The following MTUS2 variants were observed in gnomAD, a reference collection of about 807,000 sequenced individuals.
MTUS2 encodes microtubule associated scaffold protein 2.
In MTUS2, 40 loss-of-function variants were observed where a neutral mutation model predicts 114.1. The ratio of observed to expected loss-of-function variants is 0.35; its 90% CI spans 0.27 to 0.46. The LOEUF is 0.46. MTUS2 is among the 20% of genes least tolerant of loss of function. The pLI is 1.00. For missense variants in MTUS2, 1,679 were observed against 1,705.4 expected (o/e 0.98, Z 0.27); for synonymous variants, 688 against 672.0 (o/e 1.02, Z -0.37).
chr13:29,452,036 A>C (rs1306992895), intron 9 of MTUS2, among the ~76,000 whole-genome samples: 1 of 152,200 alleles, frequency 6.6e-6, no homozygotes, highest in Non-Finnish European at 1.5e-5. Flanking sequence ...GAAAATTTCA[A>C]ACCAGTGATG....
At chr13:28,968,582 A>G (rs1246568300) in intron 2 of MTUS2, among the ~76,000 whole-genome samples, 1 of 152,204 alleles carries the variant, frequency 6.6e-6, no homozygotes, top group Non-Finnish European at 1.5e-5. Context: ...ACTGGATGAG[A>G]TACTTTTCTT....
chr13:29,143,399 C>T (rs1322842885), intron 5 of MTUS2, among the ~76,000 whole-genome samples: 1 of 152,138 alleles, frequency 6.6e-6, no homozygotes, highest in Non-Finnish European at 1.5e-5. Flanking sequence ...ATACATTGTT[C>T]ACAGAACAAA....
chr13:29,352,947 A>T (rs1869415517), intron 7 of MTUS2, among the ~76,000 whole-genome samples: 1 of 152,268 alleles, frequency 6.6e-6, no homozygotes, highest in Non-Finnish European at 1.5e-5. Context: ...CTTACTTGAC[A>T]TGTTAAATTA....
intron 7 of MTUS2, among the ~76,000 whole-genome samples, chr13:29,345,307 G>C (rs1380127806): frequency 6.6e-6 from 1 of 151,628 alleles, no homozygotes; most frequent in Non-Finnish European, 1.5e-5. Context: ...TGTTACATTT[G>C]GTCATTTAAC....
At chr13:28,949,691 A>G (rs1882714159) in intron 2 of MTUS2, among the ~76,000 whole-genome samples, 1 of 152,184 alleles carries the variant, frequency 6.6e-6, no homozygotes, top group South Asian at 2.1e-4. Context: ...TACCTTATGT[A>G]GGTAGAATCA....
chr13:29,464,778 C>CA (rs933202270), intron 9 of MTUS2, among the ~76,000 whole-genome samples: 1 of 152,216 alleles, frequency 6.6e-6, no homozygotes, highest in African/African-American at 2.4e-5. Flanking sequence ...CAGTGATTCT[C>CA]AAAGTGTGGC....
chr13:29,480,021 G>A lies in MTUS2; in HGVS notation c.3185-129G>A. 2.4e-6 allele frequency: 2 copies of A among 842,058 alleles called. No individual in the cohort carries two copies. The highest frequency in any genetic ancestry group is 3.7e-6 in the Non-Finnish European group (2 of 537,198). The allele number at this position is 842,058 out of a possible 1,614,324, so 52.2% of individuals were successfully genotyped here. On this transcript the variant is annotated intron_variant, in intron 9 of 15. Transcript: ENST00000612955. The surrounding 1 kb of genome is among the most constrained non-coding windows in gnomAD (Gnocchi z 4.4). ...AGGAAAGCACTTTACAAACTGTGTA[G>A]CCCTGCAGAAGTCAGAGGACCTCGC... is the stretch of plus-strand genomic sequence containing the variant.
At chr13:28,845,793 T>G (rs1875837888) in intron 2 of MTUS2, among the ~76,000 whole-genome samples, 1 of 152,012 alleles carries the variant, frequency 6.6e-6, no homozygotes, top group Admixed American at 6.6e-5. Flanking sequence ...AGCTCTGGCA[T>G]TTTTTAGTGT....
intron 5 of MTUS2, among the ~76,000 whole-genome samples, chr13:29,126,576 T>C (rs1891525373): frequency 6.6e-6 from 1 of 152,186 alleles, no homozygotes; most frequent in African/African-American, 2.4e-5. Flanking sequence ...TGGGTTTGAA[T>C]GTGACCCAAC....
chr13:28,921,798 C>T (rs1256039835), intron 2 of MTUS2, among the ~76,000 whole-genome samples: 1 of 152,134 alleles, frequency 6.6e-6, no homozygotes, highest in African/African-American at 2.4e-5. Flanking sequence ...TCTTTGCTCT[C>T]CAATATAACA....
At chr13:29,206,206 T>C (rs545259444) in intron 5 of MTUS2, among the ~76,000 whole-genome samples, 1 of 152,330 alleles carries the variant, frequency 6.6e-6, no homozygotes, top group Non-Finnish European at 1.5e-5. Context: ...ATTTTTATAT[T>C]TGAGAATTGA....
In MTUS2 at chr13:29,086,260, T is replaced by C. The variant is rs142395218; in HGVS notation, c.2447-14513T>C. On this transcript the variant is annotated intron_variant, in intron 4 of 15. Coordinates refer to ENST00000612955, the MANE Select transcript of MTUS2 (RefSeq NM_001033602.4). The stretch of plus-strand genomic sequence containing the variant: ...TGTTTATGCTATTGATAGGTTGTTT[T>C]GCTGTGCAGAAGATCTTTAATTAGA... 4.5e-3 allele frequency among the ~76,000 whole-genome samples: 681 copies of C among 152,360 alleles called. 4 individuals carry two copies. The highest frequency in any genetic ancestry group is 0.016 in the African/African-American group (655 of 41,590).
intron 5 of MTUS2, among the ~76,000 whole-genome samples, chr13:29,128,198 A>G (rs1210267395): frequency 6.6e-6 from 1 of 152,222 alleles, no homozygotes; most frequent in African/African-American, 2.4e-5. Context: ...GCGAGATGGG[A>G]TTAGACCTCC....
chr13:29,221,193 A>G (rs570434426), intron 5 of MTUS2, among the ~76,000 whole-genome samples: 44 of 152,338 alleles, frequency 2.9e-4, no homozygotes, highest in African/African-American at 9.9e-4. Context: ...ATCCCTCAAA[A>G]CGTGTTCTGA....
intron 5 of MTUS2, among the ~76,000 whole-genome samples, chr13:29,148,472 C>CTTTTTTTT (rs976334425): frequency 2.8e-5 from 2 of 71,352 alleles, no homozygotes; most frequent in African/African-American, 1.1e-4. Context: ...GTTTGGTTTT[C>CTTTTTTTT]TTTTTTTTTT....
chr13:29,318,360 A>T (rs1900100926), intron 6 of MTUS2, among the ~76,000 whole-genome samples: 1 of 116,958 alleles, frequency 8.6e-6, no homozygotes, highest in Admixed American at 8.9e-5. Flanking sequence ...GAGGATCCTG[A>T]ATTAGCTATT....
chr13:29,254,671 C>G (rs1897237684), intron 5 of MTUS2, among the ~76,000 whole-genome samples: 1 of 152,196 alleles, frequency 6.6e-6, no homozygotes, highest in Admixed American at 6.5e-5. Flanking sequence ...AAGTAAGCTC[C>G]TCTCCCATCT....
At chr13:28,879,362 C>T (rs916909018) in intron 2 of MTUS2, among the ~76,000 whole-genome samples, 1 of 152,130 alleles carries the variant, frequency 6.6e-6, no homozygotes, top group Non-Finnish European at 1.5e-5. Context: ...ACCTTTTCCT[C>T]AATCATTTAT....
intron 2 of MTUS2, among the ~76,000 whole-genome samples, chr13:28,897,548 G>A (rs527672532): frequency 6.6e-6 from 1 of 152,230 alleles, no homozygotes; most frequent in East Asian, 1.9e-4. Context: ...CCATTACTGG[G>A]TATATACCCA....
Sources: allele counts gnomAD v4.1 joint callset (sites outside exome capture counted in the v4.1 genomes callset), GRCh38; gene constraint gnomAD v4.1.1; non-coding constraint Gnocchi (gnomAD v3.1); transcripts MANE v1.5; gene names NCBI Gene and HGNC (gene_info 2026-07-23, HGNC 2026-07-21).